Variants in AK5 observed in about 807,000 individuals in gnomAD.
The protein encoded by AK5 is adenylate kinase 5.
AK5 carries 27 observed loss-of-function variants against 69.5 expected under a neutral mutation model. That is an observed-to-expected ratio of 0.39 (90% CI 0.29 to 0.54). The LOEUF (loss-of-function observed/expected upper bound fraction) is 0.54. AK5 is among the 20% of genes least tolerant of loss of function. The pLI is 0.71. For synonymous variants in AK5, 260 were observed against 244.4 expected (o/e 1.06, Z -0.60); for missense variants, 531 against 700.4 (o/e 0.76, Z 2.73).
intron 12 of AK5, among the ~76,000 whole-genome samples, chr1:77,529,971 G>A (rs181767321): frequency 6.6e-6 from 1 of 152,300 alleles, no homozygotes; most frequent in East Asian, 1.9e-4. Flanking sequence ...GGGAATGATG[G>A]CTTCACAGTG....
At chr1:77,362,352 A>G (rs1313374468) in intron 6 of AK5, among the ~76,000 whole-genome samples, 2 of 152,138 alleles carry the variant, frequency 1.3e-5, no homozygotes, top group South Asian at 2.1e-4. Flanking sequence ...TGCTTCCTCA[A>G]TTGTAGTTCA....
At chr1:77,369,012 A>G (rs1475838912) in intron 6 of AK5, among the ~76,000 whole-genome samples, 1 of 152,172 alleles carries the variant, frequency 6.6e-6, no homozygotes, top group Non-Finnish European at 1.5e-5. Context: ...GAGATGATGG[A>G]TATACTGATT....
chr1:77,469,361 C>G (rs1333847418), intron 8 of AK5, among the ~76,000 whole-genome samples: 1 of 152,150 alleles, frequency 6.6e-6, no homozygotes, highest in Non-Finnish European at 1.5e-5. Context: ...TCCTCGATAA[C>G]CTGGGTGAGC....
chr1:77,554,668 C>T (rs747020379), intron 13 of AK5, among the ~76,000 whole-genome samples: 1 of 152,050 alleles, frequency 6.6e-6, no homozygotes, highest in Non-Finnish European at 1.5e-5. Flanking sequence ...TGCAGTGGCG[C>T]GATCTCAGCT....
intron 6 of AK5, chr1:77,371,253 A>G (rs1647116808): frequency 6.6e-6 from 1 of 152,268 alleles, no homozygotes; most frequent in Non-Finnish European, 1.5e-5. Flanking sequence ...GCATCTTCCA[A>G]GGATATATTT....
chr1:77,378,425 G>T (rs1213511049), intron 6 of AK5, among the ~76,000 whole-genome samples: 2 of 152,132 alleles, frequency 1.3e-5, no homozygotes, highest in African/African-American at 4.8e-5. Flanking sequence ...GGGTTCAAGT[G>T]ATTCTCTTGC....
At chr1:77,525,682 C>T (rs184757875) in intron 12 of AK5, among the ~76,000 whole-genome samples, 268 of 152,304 alleles carry the variant, frequency 1.8e-3, no homozygotes, top group Non-Finnish European at 2.7e-3. Flanking sequence ...CCAACACTGG[C>T]GGTCACATTT....
intron 1 of AK5, among the ~76,000 whole-genome samples, chr1:77,284,426 G>A (rs143555865): frequency 6.2e-4 from 95 of 152,278 alleles, no homozygotes; most frequent in African/African-American, 2.2e-3. Flanking sequence ...CAGACAAACT[G>A]ACTGATTATT....
intron 8 of AK5, among the ~76,000 whole-genome samples, chr1:77,466,500 G>A (rs573314634): frequency 6.6e-6 from 1 of 152,258 alleles, no homozygotes; most frequent in East Asian, 1.9e-4. Flanking sequence ...GACAGATCAC[G>A]CCCTCAAAGC....
intron 5 of AK5, among the ~76,000 whole-genome samples, chr1:77,305,982 T>A (rs115938341): frequency 0.15 from 23,462 of 152,104 alleles, 2,209 homozygotes; most frequent in Non-Finnish European, 0.2. Flanking sequence ...GAAAATGGAT[T>A]TTTTTTTCAT....
intron 10 of AK5, among the ~76,000 whole-genome samples, chr1:77,509,428 C>T (rs1408566979): frequency 6.6e-6 from 1 of 152,182 alleles, no homozygotes; most frequent in Admixed American, 6.5e-5. Context: ...AAGCTTGGCA[C>T]AGTGATGCAG....
At chr1:77,313,561 A>G (rs1001893495) in intron 5 of AK5, among the ~76,000 whole-genome samples, 2 of 152,030 alleles carry the variant, frequency 1.3e-5, no homozygotes, top group African/African-American at 4.8e-5. Flanking sequence ...TCCCCAGTTC[A>G]CAGCAGCTTC....
chr1:77,551,698 G>A (rs575662378), intron 13 of AK5, among the ~76,000 whole-genome samples: 5 of 152,128 alleles, frequency 3.3e-5, no homozygotes, highest in East Asian at 3.9e-4. Context: ...AAACCAAGTC[G>A]CCTTGTTTTT....
At chr1:77,522,887 GT>G (rs763492626) in intron 12 of AK5, among the ~76,000 whole-genome samples, 57 of 151,094 alleles carry the variant, frequency 3.8e-4, no homozygotes, top group African/African-American at 1.1e-3. Flanking sequence ...CAGTTTTCTC[GT>G]TTTTTTTTAA....
chr1:77,519,639 G>A (rs1020792503), intron 11 of AK5, among the ~76,000 whole-genome samples: 1 of 152,244 alleles, frequency 6.6e-6, no homozygotes, highest in African/African-American at 2.4e-5. Flanking sequence ...CCCATTTTAT[G>A]TGTTATTTCT....
intron 6 of AK5, among the ~76,000 whole-genome samples, chr1:77,388,240 G>A (rs1648157468): frequency 6.6e-6 from 1 of 152,086 alleles, no homozygotes; most frequent in African/African-American, 2.4e-5. Context: ...GGCATTAATT[G>A]CTTATTCAGA....
chr1:77,536,972 C>T (rs1404933359), intron 13 of AK5, among the ~76,000 whole-genome samples: 1 of 152,200 alleles, frequency 6.6e-6, no homozygotes, highest in Non-Finnish European at 1.5e-5. Context: ...AGTCCTCATC[C>T]TTCCACTCAT....
chr1:77,485,025 G>T (rs1655498445), intron 9 of AK5, among the ~76,000 whole-genome samples: 1 of 152,048 alleles, frequency 6.6e-6, no homozygotes, highest in Admixed American at 6.6e-5. Context: ...TTGCAAATAG[G>T]CTCAGAGTTC....
intron 6 of AK5, among the ~76,000 whole-genome samples, chr1:77,387,019 G>A (rs985426709): frequency 9.2e-5 from 14 of 152,138 alleles, no homozygotes; most frequent in Admixed American, 6.5e-4. Flanking sequence ...GCAAATGACA[G>A]GATTTCATTC....
Sources: allele counts gnomAD v4.1 joint callset (sites outside exome capture counted in the v4.1 genomes callset), GRCh38; gene constraint gnomAD v4.1.1; transcripts MANE v1.5; gene names NCBI Gene and HGNC (gene_info 2026-07-23, HGNC 2026-07-21).